Variants in PCDHGA2 observed in about 807,000 individuals in gnomAD.
The protein encoded by PCDHGA2 is protocadherin gamma-A2.
PCDHGA2 carries 40 observed loss-of-function variants against 59.2 expected under a neutral mutation model. The observed-to-expected ratio is 0.68, with a 90% CI of 0.52 to 0.88. The LOEUF (loss-of-function observed/expected upper bound fraction) is 0.88. PCDHGA2 is among the 40% of genes least tolerant of loss of function. The pLI, the probability that PCDHGA2 is intolerant of heterozygous loss-of-function variation, is 0.00. For missense variants in PCDHGA2, 1,226 were observed against 1,204.0 expected (o/e 1.02, Z -0.27); for synonymous variants, 560 against 526.0 (o/e 1.06, Z -0.89).
chr5:141,375,967 G>T, intron 1 of PCDHGA2: 2 of 1,613,372 alleles, frequency 1.2e-6, no homozygotes, highest in East Asian at 2.2e-5. Flanking sequence ...AGGTGCGCAC[G>T]GCGCGCGCCC....
In PCDHGA2 at chr5:141,340,290, T is replaced by A. The variant is rs1266581701; in HGVS notation, c.1319T>A (p.Leu440His). ...PSLSTDAHIL[L>H]QVADINDNAP... is the part of the protein sequence containing the mutation. ...CTGTCCACGGATGCTCACATTTTGC[T>A]CCAGGTGGCAGACATCAACGACAAC... Residue 440 changes from leucine to histidine, a missense_variant, in exon 1 of 4, where the codon CTC becomes CAC. Transcript: ENST00000394576. 3.1e-6 allele frequency: 5 copies of A among 1,614,096 alleles called. No homozygotes were observed. The highest frequency in any genetic ancestry group is 4.2e-6 in the Non-Finnish European group (5 of 1,180,022).
chr5:141,439,673 C>G (rs1468476569), intron 1 of PCDHGA2, among the ~76,000 whole-genome samples: 1 of 152,174 alleles, frequency 6.6e-6, no homozygotes, highest in Non-Finnish European at 1.5e-5. Flanking sequence ...AATGCAAATC[C>G]AAGAGCAGAC....
intron 1 of PCDHGA2, chr5:141,343,862 G>A: frequency 1.8e-6 from 1 of 563,896 alleles, no homozygotes. Context: ...CAAAGAACCA[G>A]CAAATCAGAC....
Position 141,490,532 on chromosome 5 carries a change from C to T in PCDHGA2, c.2425-4275C>T. Reference sequence around the variant, plus strand: ...GAGCTGCTGGCCAGCGATGCTGGTTCACCTTCCCTACACAAACATCTCACC... The same window carrying T: ...GAGCTGCTGGCCAGCGATGCTGGTTTACCTTCCCTACACAAACATCTCACC... On this transcript the variant is annotated intron_variant, in intron 1 of 3. Coordinates refer to ENST00000394576, the MANE Select transcript of PCDHGA2 (RefSeq NM_018915.4). This position sits in a 1 kb window ranked among gnomAD's most constrained non-coding sequence, Gnocchi z 5.4. 6.2e-7 allele frequency: 1 copy of T among 1,614,142 alleles called. No homozygotes were observed. Among genetic ancestry groups the T allele is most frequent in the Non-Finnish European group, 8.5e-7 (1 of 1,180,030 alleles).
At chr5:141,450,006 CTTTTTT>C (rs1554136305) in intron 1 of PCDHGA2, among the ~76,000 whole-genome samples, 7,115 of 132,964 alleles carry the variant, frequency 0.054, 434 homozygotes, top group African/African-American at 0.14. Flanking sequence ...TGCCATGTCT[CTTTTTT>C]TTTTTTTTTT....
chr5:141,425,962 C>T (rs2096906059), intron 1 of PCDHGA2, among the ~76,000 whole-genome samples: 2 of 152,236 alleles, frequency 1.3e-5, no homozygotes, highest in African/African-American at 2.4e-5. Flanking sequence ...TAGTCCAACA[C>T]ATCAGTCTAA....
chr5:141,476,083 T>C lies in PCDHGA2; in HGVS notation c.2425-18724T>C. 1 of 1,547,886 alleles carries C rather than the reference T, an allele frequency of 6.5e-7. No homozygotes were observed. The highest frequency in any genetic ancestry group is 8.7e-7 in the Non-Finnish European group (1 of 1,153,242). The stretch of plus-strand genomic sequence containing the variant: ...TCTCAGCGAAATCTCAGGGACGATC[T>C]GGACCCCGCTGAGAGGAACTGCTTT... On this transcript the variant is annotated intron_variant, in intron 1 of 3. Coordinates refer to ENST00000394576, the MANE Select transcript of PCDHGA2 (RefSeq NM_018915.4). This position sits in a 1 kb window ranked among gnomAD's most constrained non-coding sequence, Gnocchi z 7.6.
At chr5:141,375,707 C>G in intron 1 of PCDHGA2, 1 of 1,614,264 alleles carries the variant, frequency 6.2e-7, no homozygotes, top group Non-Finnish European at 8.5e-7. Context: ...GGACCCGCCT[C>G]TTAGCAGCAA....
chr5:141,462,983 T>C (rs530985795), intron 1 of PCDHGA2, among the ~76,000 whole-genome samples: 278 of 152,304 alleles, frequency 1.8e-3, no homozygotes, highest in Non-Finnish European at 3.4e-3. Flanking sequence ...AACTTTTGCC[T>C]TGGGCTAATT....
chr5:141,466,510 A>AT (rs1222513096), intron 1 of PCDHGA2, among the ~76,000 whole-genome samples: 1 of 151,938 alleles, frequency 6.6e-6, no homozygotes, highest in African/African-American at 2.4e-5. Context: ...AGACAAGATC[A>AT]TTTTTTTTCC....
intron 1 of PCDHGA2, chr5:141,364,717 C>A (rs1763499272): frequency 6.2e-7 from 1 of 1,613,970 alleles, no homozygotes; most frequent in Non-Finnish European, 8.5e-7. Flanking sequence ...TTAATGATAA[C>A]TTCCCGCGTT....
intron 1 of PCDHGA2, chr5:141,371,592 A>G: frequency 6.2e-7 from 1 of 1,614,000 alleles, no homozygotes; most frequent in Non-Finnish European, 8.5e-7. Context: ...AGATACCAAA[A>G]ACACATACAG....
intron 1 of PCDHGA2, chr5:141,362,580 C>T: frequency 6.2e-7 from 1 of 1,603,290 alleles, no homozygotes; most frequent in Non-Finnish European, 8.5e-7. Flanking sequence ...AATTTATTTT[C>T]ACTTCTGGTT....
Position 141,394,604 on chromosome 5 carries a change from C to T in PCDHGA2, c.2424+53209C>T, listed in dbSNP as rs1589234871. On this transcript the variant is annotated intron_variant, in intron 1 of 3. Transcript: ENST00000394576. ...CCAAGGTGGTGGCGGTGGACAGAGA[C>T]TCGGGCCAGAACGCCTGGCTGTCCT... is the stretch of plus-strand genomic sequence containing the variant. 10 of 1,613,590 alleles carry T rather than the reference C, an allele frequency of 6.2e-6. No homozygotes were observed. The East Asian group carries it at 2.0e-4, about 32-fold the overall frequency.
In PCDHGA2 at chr5:141,340,455, C is replaced by T; in HGVS notation, c.1484C>T (p.Thr495Ile). ...AHVTYSFAED[T>I]VQGAPLSSYI... ...GTAACTTACTCTTTCGCGGAGGACA[C>T]TGTTCAGGGGGCACCCTTATCCTCT... Residue 495 changes from threonine to isoleucine, a missense_variant, in exon 1 of 4, where the codon ACT becomes ATT. By Grantham distance (89) the Thr-to-Ile change is moderately conservative (BLOSUM62 -1). Coordinates refer to ENST00000394576, the MANE Select transcript of PCDHGA2 (RefSeq NM_018915.4). The T allele has an allele frequency of 3.7e-6, 6 of 1,614,238 alleles. No homozygotes were observed. Among genetic ancestry groups the T allele is most frequent in the Non-Finnish European group, 5.1e-6 (6 of 1,180,046 alleles).
At chr5:141,398,071 G>C in intron 1 of PCDHGA2, 1 of 1,587,000 alleles carries the variant, frequency 6.3e-7, no homozygotes, top group South Asian at 1.1e-5. Context: ...ACAATACAGA[G>C]GTTATTTGTA....
At chr5:141,404,289 A>T in intron 1 of PCDHGA2, 1 of 1,614,006 alleles carries the variant, frequency 6.2e-7, no homozygotes. Context: ...ACTGACATCA[A>T]TGATAATCCA....
Position 141,376,230 on chromosome 5 carries a change from T to C in PCDHGA2, c.2424+34835T>C, listed in dbSNP as rs567339650. The C allele has an allele frequency of 4.3e-6, 7 of 1,614,210 alleles. No homozygotes were observed. The East Asian group carries it at 6.7e-5, about 15-fold the overall frequency. ...GTCATCGTGCTGCTGGCGCTCAGACTGCAGCGCTGGCACAAGTCACGCCTG... is the reference window on the plus strand; with the variant it reads ...GTCATCGTGCTGCTGGCGCTCAGACCGCAGCGCTGGCACAAGTCACGCCTG... On this transcript the variant is annotated intron_variant, in intron 1 of 3. Coordinates refer to ENST00000394576, the MANE Select transcript of PCDHGA2 (RefSeq NM_018915.4).
intron 1 of PCDHGA2, chr5:141,393,518 A>C: frequency 6.2e-7 from 1 of 1,614,030 alleles, no homozygotes; most frequent in Non-Finnish European, 8.5e-7. Context: ...TGTTGGATAC[A>C]AATGACAATG....
Sources: gnomAD v4.1 joint callset for allele counts (sites outside exome capture counted in the v4.1 genomes callset) on GRCh38, gnomAD v4.1.1 for gene constraint, Gnocchi (gnomAD v3.1) non-coding constraint, MANE v1.5 for transcripts, NCBI Gene and HGNC (gene_info 2026-07-23, HGNC 2026-07-21) for gene names.